PTN: variants seen among roughly 807,000 people sequenced by gnomAD.
The protein encoded by PTN is heparin affin regulatory protein.
A neutral mutation model predicts 24.1 loss-of-function variants in PTN; 18 were observed. The observed-to-expected ratio is 0.75, with a 90% CI of 0.52 to 1.11. The LOEUF is 1.11. PTN is among the 50% of genes least tolerant of loss of function. The pLI, the probability that PTN is intolerant of heterozygous loss-of-function variation, is 0.00. For synonymous variants in PTN, 78 were observed against 68.6 expected (o/e 1.14, Z -0.67); for missense variants, 163 against 198.8 (o/e 0.82, Z 1.08).
At chr7:137,255,250 T>C (rs1335183808) in intron 1 of PTN, among the ~76,000 whole-genome samples, 4 of 152,236 alleles carry the variant, frequency 2.6e-5, no homozygotes, top group African/African-American at 9.6e-5. Context: ...TCAGAAATTA[T>C]GGAAGCAAAA....
intron 1 of PTN, among the ~76,000 whole-genome samples, chr7:137,314,276 C>A (rs1172168469): frequency 1.3e-5 from 2 of 152,100 alleles, no homozygotes; most frequent in Non-Finnish European, 1.5e-5. Context: ...ATTAAAGTGG[C>A]CTTAGCAGTA....
At chr7:137,267,579 C>G (rs1465090625) in intron 1 of PTN, among the ~76,000 whole-genome samples, 2 of 152,080 alleles carry the variant, frequency 1.3e-5, no homozygotes, top group African/African-American at 4.8e-5. Context: ...CTAAGTTTTC[C>G]TGGTATCATA....
chr7:137,255,317 T>C (rs1263779622), intron 1 of PTN, among the ~76,000 whole-genome samples: 1 of 152,230 alleles, frequency 6.6e-6, no homozygotes, highest in Non-Finnish European at 1.5e-5. Flanking sequence ...TAGCATCACT[T>C]GGTAATATCG....
intron 1 of PTN, among the ~76,000 whole-genome samples, chr7:137,341,414 G>A (rs1176885245): frequency 2.6e-5 from 4 of 151,786 alleles, no homozygotes; most frequent in Non-Finnish European, 4.4e-5. Flanking sequence ...AAATTAATAC[G>A]TTTATTAAAC....
intron 4 of PTN, among the ~76,000 whole-genome samples, chr7:137,237,023 T>C (rs1585005055): frequency 6.6e-6 from 1 of 152,254 alleles, no homozygotes; most frequent in East Asian, 1.9e-4. Flanking sequence ...GTTCAAAAAA[T>C]TATAGATATA....
chr7:137,231,467 C>G (rs1808425818), intron 4 of PTN, among the ~76,000 whole-genome samples: 1 of 151,874 alleles, frequency 6.6e-6, no homozygotes, highest in Non-Finnish European at 1.5e-5. Context: ...CGTGCACAGA[C>G]ACTCTCATTG....
intron 1 of PTN, 29 bp from the exon 2 acceptor site, chr7:137,255,003 G>T (rs760269986): frequency 5.4e-6 from 8 of 1,471,668 alleles, no homozygotes; most frequent in Non-Finnish European, 7.4e-6. Context: ...AGAGAAGAAG[G>T]TGGCATTAAC....
At chr7:137,266,487 G>A (rs999407742) in intron 1 of PTN, among the ~76,000 whole-genome samples, 28 of 147,662 alleles carry the variant, frequency 1.9e-4, no homozygotes, top group Non-Finnish European at 3.3e-4. Context: ...TTTCTTCCAC[G>A]ACTTTCGCAG....
intron 1 of PTN, among the ~76,000 whole-genome samples, chr7:137,328,476 A>C (rs939852555): frequency 1.3e-5 from 2 of 152,164 alleles, no homozygotes; most frequent in Non-Finnish European, 2.9e-5. Context: ...TTCCAATGGG[A>C]AACTGTAGCA....
chr7:137,333,337 G>A (rs1264541266), intron 1 of PTN, among the ~76,000 whole-genome samples: 2 of 152,142 alleles, frequency 1.3e-5, no homozygotes, highest in African/African-American at 4.8e-5. Context: ...CCAGCCTCAG[G>A]TATTCCTTTA....
rs575605083 is a variant in PTN, at chr7:137,266,958, G to C, written c.-1-11984C>G. ...GGCCATCCGCAGGTTACTGGGTTAA[G>C]GGTTTCTGATAGGAAGGCCTCAGTG... On this transcript the variant is annotated intron_variant, in intron 1 of 4. Transcript: ENST00000348225. 3.3e-5 allele frequency among the ~76,000 whole-genome samples: 5 copies of C among 151,332 alleles called. No individual in the cohort carries two copies. In the South Asian group the frequency reaches 1.0e-3, roughly 32 times the overall value.
chr7:137,295,181 A>C (rs1585033326), intron 1 of PTN, among the ~76,000 whole-genome samples: 2 of 152,126 alleles, frequency 1.3e-5, no homozygotes, highest in Non-Finnish European at 2.9e-5. Context: ...AAATATCTCA[A>C]ATATACTTAT....
At chr7:137,313,074 GT>G (rs1562919846) in intron 1 of PTN, among the ~76,000 whole-genome samples, 1 of 8,576 alleles carries the variant, frequency 1.2e-4, no homozygotes, top group Non-Finnish European at 2.4e-3. Context: ...CTTCCTTCTC[GT>G]TCCCCCCTCT....
intron 4 of PTN, among the ~76,000 whole-genome samples, chr7:137,248,456 C>T (rs1224146453): frequency 5.9e-5 from 9 of 152,050 alleles, no homozygotes; most frequent in African/African-American, 9.7e-5. Context: ...GAGGCCAAGG[C>T]GGGTGTATCA....
chr7:137,287,016 T>A lies in PTN; in HGVS notation c.-1-32042A>T, dbSNP rs148228114. ...ACAGATAGTTAATACCAAAGCCAGATAAGAACTTAACTTGATTTGAGTCCT... is the reference window on the plus strand; with the variant it reads ...ACAGATAGTTAATACCAAAGCCAGAAAAGAACTTAACTTGATTTGAGTCCT... On this transcript the variant is annotated intron_variant, in intron 1 of 4. Coordinates refer to ENST00000348225, the MANE Select transcript of PTN (RefSeq NM_002825.7). Among the ~76,000 whole-genome samples the A allele has an allele frequency of 6.9e-3, 1,054 of 152,338 alleles. 4 individuals are homozygous for A. Among genetic ancestry groups the A allele is most frequent in the Middle Eastern group, 0.017 (5 of 294 alleles).
intron 1 of PTN, among the ~76,000 whole-genome samples, chr7:137,275,005 C>G (rs1809338981): frequency 6.6e-6 from 1 of 152,182 alleles, no homozygotes; most frequent in Admixed American, 6.5e-5. Context: ...CATATGCACA[C>G]TTATAATTTG....
intron 1 of PTN, among the ~76,000 whole-genome samples, chr7:137,256,814 A>C (rs1411447480): frequency 1.3e-5 from 2 of 152,136 alleles, no homozygotes; most frequent in Admixed American, 6.6e-5. Context: ...AAACAAAACA[A>C]AACAAAACAA....
intron 1 of PTN, among the ~76,000 whole-genome samples, chr7:137,335,049 G>T (rs1470415104): frequency 8.6e-6 from 1 of 116,282 alleles, no homozygotes. Flanking sequence ...GTTGTGGGGT[G>T]GGGGGAGGGG....
intron 1 of PTN, among the ~76,000 whole-genome samples, chr7:137,322,525 G>T (rs1412892911): frequency 3.3e-5 from 5 of 151,518 alleles, no homozygotes; most frequent in Admixed American, 2.6e-4. Context: ...GAAAATTATG[G>T]TTTTTTTTAT....
Sources: allele counts gnomAD v4.1 joint callset (sites outside exome capture counted in the v4.1 genomes callset), GRCh38; gene constraint gnomAD v4.1.1; transcripts MANE v1.5; gene names NCBI Gene and HGNC (gene_info 2026-07-23, HGNC 2026-07-21).